ZNF547: variants seen among roughly 807,000 people sequenced by gnomAD.
ZNF547 encodes the protein zinc finger protein 547.
Under a neutral mutation model 7.7 loss-of-function variants are expected in ZNF547, and 4 were observed. The ratio of observed to expected loss-of-function variants is 0.52; its 90% confidence interval spans 0.26 to 1.20. The LOEUF (loss-of-function observed/expected upper bound fraction) is 1.20, where lower values mean the gene tolerates loss of function less well. Ranked by LOEUF, ZNF547 falls within the 50% of genes most tolerant of loss-of-function variation. The pLI, the probability that ZNF547 is intolerant of heterozygous loss-of-function variation, is 0.14. For missense variants in ZNF547, 449 were observed against 485.8 expected, an observed-to-expected ratio of 0.92 and a Z score of 0.71; for synonymous variants, 166 against 166.2, an observed-to-expected ratio of 1.00 and a Z score of 0.01.
intron 1 of ZNF547, chr19:57,364,975 C>T (rs1316996371): frequency 1.2e-6 from 2 of 1,612,858 alleles, no homozygotes; most frequent in African/African-American, 2.7e-5. Context: ...TGCTCTCGAC[C>T]TCGTAGATGA....
At chr19:57,374,022 G>A (rs1035594265) in intron 3 of ZNF547, among the ~76,000 whole-genome samples, 1 of 152,128 alleles carries the variant, frequency 6.6e-6, no homozygotes, top group Non-Finnish European at 1.5e-5. Flanking sequence ...TGGGGGCTCC[G>A]ACCCCACATT....
chr19:57,368,672 C>G (rs1342301460), intron 2 of ZNF547, 93 bp downstream of exon 2: 3 of 1,178,750 alleles, frequency 2.5e-6, no homozygotes, highest in African/African-American at 3.0e-5. Flanking sequence ...CAGAGACTCT[C>G]TTTCTGTCTT....
At chr19:57,371,965 C>G in intron 3 of ZNF547, 57 bp downstream of exon 3, 1 of 1,504,210 alleles carries the variant, frequency 6.6e-7, no homozygotes, top group Non-Finnish European at 8.9e-7. Context: ...CTCCTTTTAC[C>G]TGAAGGCAGC....
Position 57,363,688 on chromosome 19 carries a change from C to G in ZNF547, c.-28C>G, listed in dbSNP as rs574243031. On this transcript the variant is annotated 5_prime_UTR_variant, in exon 1 of 4. Coordinates refer to ENST00000282282, the MANE Select transcript of ZNF547 (RefSeq NM_173631.4). ...TCCCTGGCTGGACTTGCGGAGTCCCCGCCGAAGAACCCGAGGTGGGTGCCC... is the reference window on the plus strand; with the variant it reads ...TCCCTGGCTGGACTTGCGGAGTCCCGGCCGAAGAACCCGAGGTGGGTGCCC... The G allele has an allele frequency of 6.6e-6, 1 of 152,238 alleles. No individual in the cohort carries two copies. The highest frequency in any genetic ancestry group is 1.5e-5 in the Non-Finnish European group (1 of 68,214). The allele number at this position is 152,238 out of a possible 1,614,324, so 9.4% of individuals were successfully genotyped here.
At chr19:57,369,899 C>CGTTTTTTTTTTTT (rs2088493597) in intron 2 of ZNF547, among the ~76,000 whole-genome samples, 1 of 51,678 alleles carries the variant, frequency 1.9e-5, no homozygotes, top group African/African-American at 7.8e-5. Context: ...ACTCACAGTT[C>CGTTTTTTTTTTTT]TTTTTTTTTT....
At chr19:57,369,412 A>G (rs2123014536) in intron 2 of ZNF547, among the ~76,000 whole-genome samples, 1 of 152,290 alleles carries the variant, frequency 6.6e-6, no homozygotes, top group African/African-American at 2.4e-5. Context: ...GTGAGGAGTC[A>G]GTGTTTGTTC....
chr19:57,364,443 T>TCCGTA, intron 1 of ZNF547: 1 of 206,440 alleles, frequency 4.8e-6, no homozygotes. Flanking sequence ...GTGTAGATTC[T>TCCGTA]TCAAAAGAAT....
At chr19:57,375,335 G>A (rs537378480) in intron 3 of ZNF547, among the ~76,000 whole-genome samples, 2 of 149,584 alleles carry the variant, frequency 1.3e-5, no homozygotes, top group African/African-American at 2.5e-5. Flanking sequence ...GGGTGACAGA[G>A]CAAAACTCTG....
chr19:57,372,102 C>T (rs936039139), intron 3 of ZNF547, among the ~76,000 whole-genome samples, 194 bp downstream of exon 3: 3 of 152,230 alleles, frequency 2.0e-5, no homozygotes, highest in Non-Finnish European at 2.9e-5. Flanking sequence ...CCATCCTCTG[C>T]TGTTCTGAGG....
In ZNF547 at chr19:57,368,547, C is replaced by T; in HGVS notation, c.-9C>T. On this transcript the variant is annotated 5_prime_UTR_variant, in exon 2 of 4. Coordinates refer to ENST00000282282, the MANE Select transcript of ZNF547 (RefSeq NM_173631.4). ...CACGGTTTCCCTCTTCCTTCAGGGT[C>T]CCCTGGCGATGGCAGAAATGAACCC... The T allele has an allele frequency of 3.7e-6, 6 of 1,614,012 alleles. No individual in the cohort carries two copies. Among genetic ancestry groups the T allele is most frequent in the Non-Finnish European group, 5.1e-6 (6 of 1,179,930 alleles).
At chr19:57,365,040 G>A (rs2123008248) in intron 1 of ZNF547, 1 of 1,612,130 alleles carries the variant, frequency 6.2e-7, no homozygotes, top group Non-Finnish European at 8.5e-7. Context: ...AGTTCAACGA[G>A]TGGTTTGTGT....
intron 2 of ZNF547, 133 bp downstream of exon 2, chr19:57,368,712 G>T: frequency 3.6e-6 from 3 of 830,356 alleles, no homozygotes; most frequent in South Asian, 3.3e-5. Context: ...AAAAGTGAGT[G>T]ATTCCACCAG....
chr19:57,372,002 G>C, intron 3 of ZNF547, 94 bp downstream of exon 3: 5 of 1,470,864 alleles, frequency 3.4e-6, no homozygotes, highest in Non-Finnish European at 4.5e-6. Flanking sequence ...TGAGACCATG[G>C]GTGCTGCTTC....
At chr19:57,373,317 C>A (rs1281333893) in intron 3 of ZNF547, among the ~76,000 whole-genome samples, 6 of 152,122 alleles carry the variant, frequency 3.9e-5, no homozygotes, top group African/African-American at 1.4e-4. Context: ...GGAAACTGTT[C>A]CCATGATTCA....
In ZNF547 at chr19:57,378,706, T is replaced by C. The variant is rs533265188; in HGVS notation, c.*521T>C. 5 of 405,122 alleles carry C rather than the reference T, an allele frequency of 1.2e-5. No homozygotes were observed. The East Asian group carries it at 3.7e-4, about 30-fold the overall frequency. 25.1% of individuals were successfully genotyped at this position (405,122 alleles called of 1,614,324 possible). ...TGGTTTTTAAAAAACAATGGTGAAG[T>C]ACATGCCACATAAAATTTGCCATCT... On this transcript the variant is annotated 3_prime_UTR_variant, in exon 4 of 4. Coordinates refer to ENST00000282282, the MANE Select transcript of ZNF547 (RefSeq NM_173631.4).
chr19:57,371,726 T>C (rs200041064), intron 2 of ZNF547, 56 bp from the exon 3 acceptor site: 188 of 1,560,872 alleles, frequency 1.2e-4, no homozygotes, highest in Non-Finnish European at 1.5e-4. Context: ...AATAGAGAAC[T>C]TAAGTAAATA....
intron 1 of ZNF547, among the ~76,000 whole-genome samples, chr19:57,366,018 C>G (rs2088466844): frequency 1.3e-5 from 2 of 148,714 alleles, no homozygotes; most frequent in Non-Finnish European, 3.0e-5. Flanking sequence ...GCATGCACCA[C>G]CACGCCTGGC....
chr19:57,372,456 T>G (rs1453759692), intron 3 of ZNF547, among the ~76,000 whole-genome samples: 1 of 152,194 alleles, frequency 6.6e-6, no homozygotes, highest in Non-Finnish European at 1.5e-5. Context: ...ACTGTCACCT[T>G]AAGCAATGGG....
chr19:57,365,594 C>T (rs1425352854), intron 1 of ZNF547, among the ~76,000 whole-genome samples: 7 of 151,108 alleles, frequency 4.6e-5, no homozygotes, highest in South Asian at 4.2e-4. Context: ...CTGCACCCTC[C>T]GCCTCCCAGG....
Sources: gnomAD v4.1 joint callset for allele counts (sites outside exome capture counted in the v4.1 genomes callset) on GRCh38, gnomAD v4.1.1 for gene constraint, MANE v1.5 for transcripts, NCBI Gene and HGNC (gene_info 2026-07-23, HGNC 2026-07-21) for gene names.